The following NOTCH2 variants were observed in gnomAD, a reference collection of about 807,000 sequenced individuals.
NOTCH2 encodes the protein notch receptor 2.
A neutral mutation model predicts 235.8 loss-of-function variants in NOTCH2; 29 were observed. The ratio of observed to expected loss-of-function variants is 0.12; its 90% confidence interval spans 0.09 to 0.17. NOTCH2 has a LOEUF of 0.17. NOTCH2 is among the 10% of genes least tolerant of loss of function. NOTCH2 has a pLI of 1.00. For synonymous variants in NOTCH2, 1,086 were observed against 1,141.5 expected, an observed-to-expected ratio of 0.95 and a Z score of 0.98; for missense variants, 2,285 against 3,150.2, an observed-to-expected ratio of 0.73 and a Z score of 6.57.
At chr1:119,928,827 G>C in intron 23 of NOTCH2, 149 bp downstream of exon 23, 2 of 700,760 alleles carry the variant, frequency 2.9e-6, no homozygotes, top group Non-Finnish European at 2.5e-6. Flanking sequence ...TACAGACTAA[G>C]AAAAAACTGG....
At chr1:119,922,115 T>C (rs1023695885) in intron 28 of NOTCH2, 121 bp downstream of exon 28, 1 of 1,124,836 alleles carries the variant, frequency 8.9e-7, no homozygotes, top group Non-Finnish European at 1.3e-6. Flanking sequence ...GCATTTAGAA[T>C]CATGGTCAAT....
rs1649021682 is a variant in NOTCH2 at position 119,915,251 on chromosome 1, T to A, written c.*55A>T. The A allele has an allele frequency of 1.2e-5, 19 of 1,563,952 alleles. No individual in the cohort carries two copies. The highest frequency in any genetic ancestry group is 1.5e-5 in the Non-Finnish European group (17 of 1,139,054). The stretch of plus-strand genomic sequence containing the variant: ...TCTCTCCCGGATGACCTTCATTTGT[T>A]CCTCAGCAGCATTTACAAAAGTCAG... On this transcript the variant is annotated 3_prime_UTR_variant, in exon 34 of 34. Transcript: ENST00000256646.
At chr1:119,945,639 T>C (rs1049918899) in intron 17 of NOTCH2, among the ~76,000 whole-genome samples, 1 of 152,074 alleles carries the variant, frequency 6.6e-6, no homozygotes, top group African/African-American at 2.4e-5. Context: ...TTCAAAATGA[T>C]AAATGGGTCA....
intron 21 of NOTCH2, among the ~76,000 whole-genome samples, chr1:119,936,877 T>C (rs1172684238): frequency 1.3e-5 from 2 of 151,490 alleles, no homozygotes; most frequent in Middle Eastern, 3.4e-3. Context: ...TGAGAGAAAA[T>C]TGCTAGTTGA....
At chr1:119,939,843 T>C (rs1553196241) in intron 19 of NOTCH2, among the ~76,000 whole-genome samples, 1 of 152,160 alleles carries the variant, frequency 6.6e-6, no homozygotes, top group Non-Finnish European at 1.5e-5. Context: ...TAATATAGCC[T>C]AAGCCTTACT....
At chr1:119,947,620 A>G (rs1169127264) in intron 17 of NOTCH2, among the ~76,000 whole-genome samples, 1 of 152,186 alleles carries the variant, frequency 6.6e-6, no homozygotes, top group Non-Finnish European at 1.5e-5. Context: ...AGTGAAACAT[A>G]CACTTACGAC....
intron 10 of NOTCH2, among the ~76,000 whole-genome samples, chr1:119,965,067 G>T (rs1195048072): frequency 2.0e-5 from 3 of 152,018 alleles, no homozygotes; most frequent in Middle Eastern, 6.3e-3. Context: ...AAATTTCTGG[G>T]CCTTCTTTCA....
At chr1:119,996,613 T>C in intron 4 of NOTCH2, 2 of 816,732 alleles carry the variant, frequency 2.4e-6, no homozygotes, top group Non-Finnish European at 4.4e-6. Context: ...CTACTGTTAA[T>C]GTCAATTCAG....
At chr1:119,928,578 C>A (rs782026045) in intron 23 of NOTCH2, among the ~76,000 whole-genome samples, 1 of 152,266 alleles carries the variant, frequency 6.6e-6, no homozygotes, top group Middle Eastern at 3.4e-3. Flanking sequence ...GATAGTAGAA[C>A]AACAATGTCA....
At chr1:120,063,286 A>G (rs1256304345) in intron 1 of NOTCH2, among the ~76,000 whole-genome samples, 1 of 152,138 alleles carries the variant, frequency 6.6e-6, no homozygotes, top group Non-Finnish European at 1.5e-5. Context: ...TGACCTTTAT[A>G]TCTCTCCACA....
At chr1:119,922,154 A>T in intron 28 of NOTCH2, 82 bp downstream of exon 28, 1 of 1,458,840 alleles carries the variant, frequency 6.9e-7, no homozygotes, top group Non-Finnish European at 9.6e-7. Flanking sequence ...CTTAGAATTT[A>T]AAATCATGAT....
chr1:119,940,466 T>C (rs1160975531), intron 19 of NOTCH2, 89 bp downstream of exon 19: 7 of 1,221,136 alleles, frequency 5.7e-6, no homozygotes, highest in East Asian at 4.7e-5. Flanking sequence ...TTTTCTCTTT[T>C]AGAAGGAACT....
At chr1:119,973,457 A>T (rs1651446697) in intron 5 of NOTCH2, among the ~76,000 whole-genome samples, 1 of 152,214 alleles carries the variant, frequency 6.6e-6, no homozygotes, top group African/African-American at 2.4e-5. Context: ...GGTAAAAAAA[A>T]GGAAATAAAA....
At chr1:120,029,860 C>T (rs1570763718) in intron 2 of NOTCH2, 46 bp downstream of exon 2, 1 of 579,614 alleles carries the variant, frequency 1.7e-6, no homozygotes. Context: ...CAAATCTTGT[C>T]CAGTGTTCTA....
intron 24 of NOTCH2, 123 bp from the exon 25 acceptor site, chr1:119,925,933 A>T: frequency 8.6e-7 from 1 of 1,166,188 alleles, no homozygotes; most frequent in Non-Finnish European, 1.3e-6. Context: ...AGCCCAAGCC[A>T]AGGTTACTAG....
chr1:119,919,733 G>A (rs1207396970), intron 30 of NOTCH2, 120 bp from the exon 31 acceptor site: 9 of 922,070 alleles, frequency 9.8e-6, no homozygotes, highest in Non-Finnish European at 1.5e-5. Context: ...TGTACTTCTT[G>A]TAGTAACTGG....
chr1:119,929,497 A>G (rs1649582866), intron 22 of NOTCH2, among the ~76,000 whole-genome samples: 2 of 152,228 alleles, frequency 1.3e-5, no homozygotes. Flanking sequence ...TATTTGTCCC[A>G]TCTCAAAGAG....
rs1056181570 is a variant in NOTCH2, at chr1:119,940,769, C to T, written c.2982-13G>A. On this transcript the variant is annotated splice_polypyrimidine_tract_variant and intron_variant, in intron 18 of 33. Transcript: ENST00000256646. Reference sequence around the variant, plus strand: ...ATTGAAACAGGAGCTAAGAAGCAAACAGAGCAACATCAGCTATGTATCTGG... The same window carrying T: ...ATTGAAACAGGAGCTAAGAAGCAAATAGAGCAACATCAGCTATGTATCTGG... 7 of 1,610,484 alleles carry T rather than the reference C, an allele frequency of 4.3e-6. No homozygotes were observed. The African/African-American group carries it at 9.4e-5, about 22-fold the overall frequency.
chr1:119,963,695 C>A lies in NOTCH2; in HGVS notation c.1794G>T (p.Gly598=), dbSNP rs782368891. 1 of 1,614,144 alleles carries A rather than the reference C, an allele frequency of 6.2e-7. No individual in the cohort carries two copies. Among genetic ancestry groups the A allele is most frequent in the Non-Finnish European group, 8.5e-7 (1 of 1,179,992 alleles). Residue 598 remains glycine (G), a synonymous_variant, in exon 11 of 34, where the codon GGG becomes GGT. Coordinates refer to ENST00000256646, the MANE Select transcript of NOTCH2 (RefSeq NM_024408.4). Reference sequence around the variant, plus strand: ...GGTCACTGCAGATGGCGCCCATGTACCCGGGATTGCAGATGCAGGTGTAGG... The same window carrying A: ...GGTCACTGCAGATGGCGCCCATGTAACCGGGATTGCAGATGCAGGTGTAGG... The part of the protein sequence containing the change: ...IDSYTCICNP[G]YMGAICSDQI...
Sources: gnomAD v4.1 joint callset for allele counts (sites outside exome capture counted in the v4.1 genomes callset) on GRCh38, gnomAD v4.1.1 for gene constraint, MANE v1.5 for transcripts, NCBI Gene and HGNC (gene_info 2026-07-23, HGNC 2026-07-21) for gene names.